Variants in FLNB observed in about 807,000 individuals in gnomAD.
FLNB encodes the protein filamin-B.
In FLNB, 111 loss-of-function variants were observed where a neutral mutation model predicts 250.6. The observed-to-expected ratio is 0.44, with a 90% CI of 0.38 to 0.52. FLNB has a LOEUF of 0.52. Ranked by LOEUF, FLNB falls within the 20% of genes least tolerant of loss-of-function variation. The pLI is 0.00. For missense variants in FLNB, 2,869 were observed against 3,447.8 expected (o/e 0.83, Z 4.20); for synonymous variants, 1,302 against 1,372.1 (o/e 0.95, Z 1.13).
intron 43 of FLNB, 48 bp downstream of exon 43, chr3:58,163,378 G>C: frequency 6.3e-7 from 1 of 1,587,952 alleles, no homozygotes; most frequent in Non-Finnish European, 8.6e-7. Context: ...CCAGCTCCAG[G>C]GACCAAGCCA....
rs139875974 is a variant in FLNB at position 58,118,899 on chromosome 3, G to A, written c.2773G>A (p.Gly925Ser). 4.3e-5 allele frequency: 70 copies of A among 1,613,916 alleles called. 1 individual carries two copies. The highest frequency in any genetic ancestry group is 1.2e-4 in the Admixed American group (7 of 60,002). ...QGNMQVLVTY[G>S]GDPIPKSPFT... ...CAACATGCAGGTTCTGGTGACTTAC[G>A]GTGGCGATCCCATCCCTAAAAGCCC... Residue 925 changes from glycine to serine, a missense_variant, in exon 19 of 46, where the codon GGT (glycine) becomes AGT (serine). Around this residue, in one of 5 missense-constraint regions of FLNB, gnomAD observed 1,348 missense variants for 1,466.7 expected, o/e 0.92. Coordinates refer to ENST00000295956, the MANE Select transcript of FLNB (RefSeq NM_001457.4).
At position 58,163,299 on chromosome 3, in the gene FLNB, C is replaced by T. The variant is rs781119139; in HGVS notation, c.7167C>T (p.Ala2389=). ...GQAGNPALVS[A]YGTGLEGGTT... is the part of the protein sequence containing the mutation. ...CGGGGAACCCTGCCCTGGTGTCCGCCTATGGCACGGGACTCGAAGGGGGCA... is the reference window on the plus strand; with the variant it reads ...CGGGGAACCCTGCCCTGGTGTCCGCTTATGGCACGGGACTCGAAGGGGGCA... The change falls in exon 43 of 46, where the codon GCC becomes GCT. Residue 2389 remains alanine, a synonymous_variant. Transcript: ENST00000295956. 8.1e-6 allele frequency: 13 copies of T among 1,614,088 alleles called. No homozygotes were observed. Among genetic ancestry groups the T allele is most frequent in the Non-Finnish European group, 1.7e-6 (2 of 1,180,052 alleles).
chr3:58,021,422 C>T (rs998193520), intron 1 of FLNB, among the ~76,000 whole-genome samples: 1 of 152,166 alleles, frequency 6.6e-6, no homozygotes, highest in African/African-American at 2.4e-5. Flanking sequence ...GAATGTGCTG[C>T]TGCTGGGATG....
intron 19 of FLNB, among the ~76,000 whole-genome samples, chr3:58,119,665 A>AT (rs1255216798): frequency 1.3e-5 from 2 of 152,204 alleles, no homozygotes; most frequent in East Asian, 1.9e-4. Flanking sequence ...TCATAAAATG[A>AT]TTTTTTTATA....
chr3:58,065,012 C>G (rs2097183560), intron 1 of FLNB, among the ~76,000 whole-genome samples: 1 of 152,108 alleles, frequency 6.6e-6, no homozygotes, highest in Non-Finnish European at 1.5e-5. Flanking sequence ...TGCACTCCAG[C>G]TTGGGTGACA....
At position 58,140,820 on chromosome 3, in the gene FLNB, G is replaced by C. The variant is rs374045988; in HGVS notation, c.5110-1038G>C. The stretch of plus-strand genomic sequence containing the variant: ...GATGGGGTTTCACCATGTTGGCCAG[G>C]CTGGTAACTCCTGACCTCCAGTGAT... On this transcript the variant is annotated intron_variant, in intron 29 of 45. Coordinates refer to ENST00000295956, the MANE Select transcript of FLNB (RefSeq NM_001457.4). Among the ~76,000 whole-genome samples, 45 of 152,274 alleles carry C rather than the reference G, an allele frequency of 3.0e-4. No individual in the cohort carries two copies. In the South Asian group the frequency reaches 4.1e-3, roughly 14 times the overall value.
At chr3:58,109,437 G>A (rs1293146569) in intron 14 of FLNB, 115 bp downstream of exon 14, 1 of 1,586,558 alleles carries the variant, frequency 6.3e-7, no homozygotes, top group African/African-American at 1.3e-5. Flanking sequence ...ATCCCTGGTG[G>A]GCCTTGAATG....
In FLNB at chr3:58,058,273, C is replaced by A. The variant is rs114212362; in HGVS notation, c.293-18773C>A. 4.1e-3 allele frequency among the ~76,000 whole-genome samples: 624 copies of A among 152,230 alleles called. 4 individuals carry two copies. Among genetic ancestry groups the A allele is most frequent in the African/African-American group, 0.014 (586 of 41,522 alleles). On this transcript the variant is annotated intron_variant, in intron 1 of 45. Coordinates refer to ENST00000295956, the MANE Select transcript of FLNB (RefSeq NM_001457.4). ...CCTGTGTAGGAAGTTTAGAGTGAAG[C>A]GGCAGTTGGCTGGAGGTTCTGAAGG...
At chr3:58,024,697 C>A (rs906123753) in intron 1 of FLNB, among the ~76,000 whole-genome samples, 2 of 110,468 alleles carry the variant, frequency 1.8e-5, no homozygotes, top group African/African-American at 6.5e-5. Flanking sequence ...TCTGGCCAAG[C>A]CTCCTTTTTT....
intron 1 of FLNB, among the ~76,000 whole-genome samples, chr3:58,012,513 G>A (rs2097100502): frequency 6.6e-6 from 1 of 152,108 alleles, no homozygotes; most frequent in Non-Finnish European, 1.5e-5. Flanking sequence ...CCACATCAGA[G>A]GGTCCCTGCA....
chr3:58,157,168 G>A (rs2097354671), intron 41 of FLNB, among the ~76,000 whole-genome samples: 1 of 152,138 alleles, frequency 6.6e-6, no homozygotes, highest in South Asian at 2.1e-4. Flanking sequence ...GAACCATCGG[G>A]GATGCCTCTG....
intron 1 of FLNB, among the ~76,000 whole-genome samples, chr3:58,060,193 T>G (rs934910575): frequency 1.3e-5 from 2 of 149,178 alleles, no homozygotes; most frequent in Non-Finnish European, 2.9e-5. Flanking sequence ...AAGGTGGGTG[T>G]TTTTTGTTTT....
chr3:58,153,802 G>C (rs928071897), intron 39 of FLNB, among the ~76,000 whole-genome samples, 161 bp downstream of exon 39: 4 of 152,266 alleles, frequency 2.6e-5, no homozygotes, highest in African/African-American at 9.6e-5. Context: ...GTCTGGCACA[G>C]TTTGTAACTA....
In FLNB at chr3:58,123,375, G is replaced by A. The variant is rs150475174; in HGVS notation, c.3409G>A (p.Val1137Met). 1.2e-4 allele frequency: 197 copies of A among 1,614,076 alleles called. No homozygotes were observed. The East Asian group carries it at 3.4e-3, about 28-fold the overall frequency. Residue 1137 changes from valine (V) to methionine (M), a missense_variant, in exon 21 of 46, where the codon GTG becomes ATG. Val to Met is a conservative substitution (Grantham distance 21). Transcript: ENST00000295956. ...AATGCCCTTTGACCCCTCTAAAGTC[G>A]TGGCATCGGGGCCAGGTCTCGAGCA... Reference protein sequence around the residue: ...IEMPFDPSKVVASGPGLEHGK... With the variant: ...IEMPFDPSKVMASGPGLEHGK...
In FLNB at chr3:58,102,471, C is replaced by G. The variant is rs76971603; in HGVS notation, c.1483+131C>G. ...GGCTATGTCAAGGATTTGAGGCTAT[C>G]TGGGCTCCTTGGGGAAGACGGCAGT... On this transcript the variant is annotated intron_variant, in intron 9 of 45. Transcript: ENST00000295956. The G allele has an allele frequency of 6.8e-3, 7,320 of 1,077,504 alleles. 166 individuals carry two copies. Among genetic ancestry groups the G allele is most frequent in the East Asian group, 0.047 (1,972 of 42,228 alleles). The allele number at this position is 1,077,504 out of a possible 1,614,324, so 66.7% of individuals were successfully genotyped here.
At chr3:58,110,947 C>T (rs1040103213) in intron 16 of FLNB, among the ~76,000 whole-genome samples, 6 of 152,004 alleles carry the variant, frequency 3.9e-5, no homozygotes, top group Non-Finnish European at 7.4e-5. Flanking sequence ...CTCCTTACAA[C>T]CAAGAAGGAA....
chr3:58,126,944 G>A (rs1270933272), intron 24 of FLNB, among the ~76,000 whole-genome samples, 182 bp downstream of exon 24: 1 of 152,144 alleles, frequency 6.6e-6, no homozygotes, highest in Non-Finnish European at 1.5e-5. Context: ...CGGTAACATG[G>A]CAAAAAGCAT....
At chr3:58,062,499 C>G (rs1468791266) in intron 1 of FLNB, among the ~76,000 whole-genome samples, 3 of 152,124 alleles carry the variant, frequency 2.0e-5, no homozygotes, top group Non-Finnish European at 4.4e-5. Context: ...CTAAAGATCA[C>G]TTTAATATCA....
Position 58,134,852 on chromosome 3 carries a change from A to G in FLNB, c.4671+80A>G. 6 of 1,337,736 alleles carry G rather than the reference A, an allele frequency of 4.5e-6. No homozygotes were observed. The Admixed American group carries it at 7.2e-5, about 16-fold the overall frequency. 82.9% of individuals were successfully genotyped at this position (1,337,736 alleles called of 1,614,324 possible). A position where few individuals can be genotyped will look rare whatever the true frequency, so the allele number is the denominator to read the frequency against. ...GCCAGATTTAAGAACAAGGGTTTCA[A>G]TAACCGATTTCTGACTCAATGCAAG... On this transcript the variant is annotated intron_variant, in intron 27 of 45. Coordinates refer to ENST00000295956, the MANE Select transcript of FLNB (RefSeq NM_001457.4).
Sources: gnomAD v4.1 joint callset for allele counts (sites outside exome capture counted in the v4.1 genomes callset) on GRCh38, gnomAD v4.1.1 for gene constraint, gnomAD v4.1.1 regional missense constraint, MANE v1.5 for transcripts, NCBI Gene and HGNC (gene_info 2026-07-23, HGNC 2026-07-21) for gene names.